Variants in RABGAP1L observed in about 807,000 individuals in gnomAD.
The protein encoded by RABGAP1L is rab GTPase-activating protein 1-like.
In RABGAP1L, 63 loss-of-function variants were observed where a neutral mutation model predicts 137.7. The ratio of observed to expected loss-of-function variants is 0.46; its 90% CI spans 0.37 to 0.56. The LOEUF (loss-of-function observed/expected upper bound fraction) is 0.56. Among genes scored for constraint, RABGAP1L ranks in the 20% least tolerant of loss-of-function variants. The probability of loss-of-function intolerance (pLI) is 0.00; values close to 1 mark genes in which losing one functional copy is unlikely to be tolerated. For synonymous variants in RABGAP1L, 431 were observed against 433.7 expected (o/e 0.99, Z 0.08); for missense variants, 1,095 against 1,244.0 (o/e 0.88, Z 1.80).
chr1:174,759,344 C>A (rs563952390), intron 18 of RABGAP1L, among the ~76,000 whole-genome samples: 2 of 149,616 alleles, frequency 1.3e-5, no homozygotes, highest in South Asian at 2.1e-4. Context: ...CCTGTAATCC[C>A]AGCACTTTGG....
chr1:174,769,296 G>T (rs1685922804), intron 18 of RABGAP1L, among the ~76,000 whole-genome samples: 2 of 152,044 alleles, frequency 1.3e-5, no homozygotes, highest in African/African-American at 4.8e-5. Context: ...CGGTCATCTT[G>T]TGCGCTGAGT....
At chr1:174,504,876 T>G (rs1228875281) in intron 13 of RABGAP1L, among the ~76,000 whole-genome samples, 1 of 152,024 alleles carries the variant, frequency 6.6e-6, no homozygotes, top group Non-Finnish European at 1.5e-5. Flanking sequence ...CAAATAGAAT[T>G]GAATCAAATG....
At chr1:174,367,241 CG>C (rs2148986557) in intron 11 of RABGAP1L, 1 of 152,492 alleles carries the variant, frequency 6.6e-6, no homozygotes, top group African/African-American at 2.4e-5. Context: ...GGGGAACACC[CG>C]TTGGAACTTT....
intron 24 of RABGAP1L, among the ~76,000 whole-genome samples, chr1:174,986,790 T>C (rs1186104141): frequency 6.6e-6 from 1 of 152,234 alleles, no homozygotes; most frequent in African/African-American, 2.4e-5. Flanking sequence ...TTGCACATGG[T>C]GGTGTTCTCT....
intron 17 of RABGAP1L, among the ~76,000 whole-genome samples, chr1:174,729,837 G>A (rs773182412): frequency 5.9e-5 from 9 of 152,194 alleles, no homozygotes; most frequent in South Asian, 4.1e-4. Context: ...TGGTGATGCT[G>A]TGGAGAAAAG....
At chr1:174,968,663 A>C (rs921738397) in intron 20 of RABGAP1L, among the ~76,000 whole-genome samples, 1 of 152,146 alleles carries the variant, frequency 6.6e-6, no homozygotes, top group African/African-American at 2.4e-5. Context: ...AAAACAAAAA[A>C]ACTAGATATC....
intron 12 of RABGAP1L, among the ~76,000 whole-genome samples, chr1:174,372,904 A>G (rs1685220788): frequency 6.6e-6 from 1 of 152,210 alleles, no homozygotes; most frequent in South Asian, 2.1e-4. Flanking sequence ...AGAGTTGTAA[A>G]CTAGCCTAGT....
At chr1:174,243,127 A>ATTT (rs1671968276) in intron 5 of RABGAP1L, 1 of 152,094 alleles carries the variant, frequency 6.6e-6, no homozygotes, top group East Asian at 1.9e-4. Flanking sequence ...GAGAGAGAGA[A>ATTT]ATGCTGCTGC....
chr1:174,720,308 G>GTTT (rs1273951027), intron 17 of RABGAP1L, among the ~76,000 whole-genome samples: 2 of 145,950 alleles, frequency 1.4e-5, no homozygotes, highest in African/African-American at 5.1e-5. Flanking sequence ...CAGATAGTTG[G>GTTT]TTTTTTTTTT....
intron 14 of RABGAP1L, among the ~76,000 whole-genome samples, chr1:174,661,095 G>A (rs1181502601): frequency 6.6e-6 from 1 of 152,152 alleles, no homozygotes; most frequent in African/African-American, 2.4e-5. Context: ...AAATGGCAGA[G>A]CTGGAATTTG....
In RABGAP1L at chr1:174,988,820, G is replaced by A. The variant is rs1482603916; in HGVS notation, c.2985G>A (p.Glu995=). The A allele has an allele frequency of 2.6e-6, 4 of 1,536,950 alleles. No individual in the cohort carries two copies. Among genetic ancestry groups the A allele is most frequent in the Non-Finnish European group, 3.5e-6 (4 of 1,142,014 alleles). ...CACAAACCAAACTGCAGTTGGTGGA[G>A]GCCAAGTGTAAAATTCAGGTTGGTG... ...ELAQTKLQLV[E]AKCKIQELEH... The change falls in exon 25 of 26, where the codon GAG becomes GAA. Residue 995 remains glutamate (E), a synonymous_variant. Transcript: ENST00000681986.
chr1:174,231,978 T>G (rs946814354), intron 4 of RABGAP1L, among the ~76,000 whole-genome samples: 1 of 152,134 alleles, frequency 6.6e-6, no homozygotes, highest in Non-Finnish European at 1.5e-5. Context: ...ACAATTACGC[T>G]TAGAATATTA....
chr1:174,384,336 G>C (rs886689358), intron 12 of RABGAP1L, among the ~76,000 whole-genome samples: 1 of 152,054 alleles, frequency 6.6e-6, no homozygotes, highest in Admixed American at 6.6e-5. Context: ...CTGTATCTTG[G>C]TTATGGTAGT....
intron 5 of RABGAP1L, chr1:174,245,664 GTC>G (rs773340910): frequency 1.3e-5 from 2 of 150,180 alleles, no homozygotes; most frequent in Non-Finnish European, 3.0e-5. Flanking sequence ...TTGAGGCAGA[GTC>G]TCACTGTCTC....
At chr1:174,543,649 G>A (rs1007699799) in intron 13 of RABGAP1L, among the ~76,000 whole-genome samples, 2 of 152,140 alleles carry the variant, frequency 1.3e-5, no homozygotes, top group Non-Finnish European at 2.9e-5. Context: ...GATGTTAGCT[G>A]GTTATTTTGC....
chr1:174,314,910 A>G (rs1679226011), intron 11 of RABGAP1L, among the ~76,000 whole-genome samples: 1 of 152,196 alleles, frequency 6.6e-6, no homozygotes, highest in Non-Finnish European at 1.5e-5. Context: ...GTGACCTAAA[A>G]TATGGTCTGT....
chr1:174,168,917 G>T (rs923153031), intron 1 of RABGAP1L, among the ~76,000 whole-genome samples: 27 of 152,326 alleles, frequency 1.8e-4, no homozygotes, highest in African/African-American at 5.5e-4. Flanking sequence ...ATTCTTACAT[G>T]TATAGATGTG....
intron 13 of RABGAP1L, among the ~76,000 whole-genome samples, chr1:174,562,286 A>G (rs1008969143): frequency 6.6e-6 from 1 of 152,258 alleles, no homozygotes; most frequent in African/African-American, 2.4e-5. Flanking sequence ...GAGAAATGCA[A>G]ATCAAAACCA....
intron 13 of RABGAP1L, among the ~76,000 whole-genome samples, chr1:174,627,041 A>G (rs187877753): frequency 7.2e-5 from 11 of 152,322 alleles, no homozygotes; most frequent in Admixed American, 1.3e-4. Flanking sequence ...AATGGCACTA[A>G]CAGATTGGTA....
Sources: gnomAD v4.1 joint callset for allele counts (sites outside exome capture counted in the v4.1 genomes callset) on GRCh38, gnomAD v4.1.1 for gene constraint, MANE v1.5 for transcripts, NCBI Gene and HGNC (gene_info 2026-07-23, HGNC 2026-07-21) for gene names.